Variants in CSMD3 observed in about 807,000 individuals in gnomAD.
The protein encoded by CSMD3 is CUB and sushi domain-containing protein 3.
In CSMD3, 177 loss-of-function variants were observed where a neutral mutation model predicts 435.2. The observed-to-expected ratio is 0.41, with a 90% CI of 0.36 to 0.46. CSMD3 has a LOEUF of 0.46. CSMD3 is among the 20% of genes least tolerant of loss of function. The pLI is 0.34. For missense variants in CSMD3, 4,265 were observed against 4,504.6 expected, an observed-to-expected ratio of 0.95 and a Z score of 1.52; for synonymous variants, 1,656 against 1,520.5, an observed-to-expected ratio of 1.09 and a Z score of -2.07.
At chr8:113,118,162 T>A (rs2090890736) in intron 4 of CSMD3, among the ~76,000 whole-genome samples, 1 of 152,214 alleles carries the variant, frequency 6.6e-6, no homozygotes, top group South Asian at 2.1e-4. Context: ...CAATATCCCA[T>A]TATGTAATAG....
chr8:112,945,402 C>T (rs779638479), intron 9 of CSMD3, among the ~76,000 whole-genome samples: 16 of 151,666 alleles, frequency 1.1e-4, no homozygotes, highest in Non-Finnish European at 1.9e-4. Flanking sequence ...AGGTCACTTA[C>T]AAATCTTTAC....
intron 2 of CSMD3, among the ~76,000 whole-genome samples, chr8:113,282,770 T>A (rs950296466): frequency 9.2e-5 from 14 of 152,014 alleles, no homozygotes; most frequent in African/African-American, 3.4e-4. Flanking sequence ...AGAGCCTGCA[T>A]AACCAAAGCA....
At chr8:113,159,167 C>A (rs760270947) in intron 4 of CSMD3, among the ~76,000 whole-genome samples, 5 of 151,674 alleles carry the variant, frequency 3.3e-5, no homozygotes, top group African/African-American at 4.8e-5. Flanking sequence ...ACTTCTCTAC[C>A]TTTTTGAAGT....
At chr8:113,049,691 T>A (rs1020156620) in intron 5 of CSMD3, among the ~76,000 whole-genome samples, 2 of 152,162 alleles carry the variant, frequency 1.3e-5, no homozygotes, top group Non-Finnish European at 2.9e-5. Context: ...TGGAAGCTTT[T>A]TAAATAAGCA....
chr8:112,587,433 A>G (rs1199983061), intron 22 of CSMD3, among the ~76,000 whole-genome samples, 198 bp from the exon 23 acceptor site: 3 of 151,760 alleles, frequency 2.0e-5, no homozygotes, highest in Non-Finnish European at 4.4e-5. Context: ...CAGCCCATGG[A>G]GAGGACACTG....
At chr8:113,051,782 A>T (rs1213122950) in intron 5 of CSMD3, among the ~76,000 whole-genome samples, 1 of 152,228 alleles carries the variant, frequency 6.6e-6, no homozygotes, top group African/African-American at 2.4e-5. Flanking sequence ...ACAGGCGCTC[A>T]GTAAATGTAT....
chr8:113,001,396 C>A (rs1032404153), intron 6 of CSMD3, among the ~76,000 whole-genome samples: 1 of 152,116 alleles, frequency 6.6e-6, no homozygotes, highest in Non-Finnish European at 1.5e-5. Context: ...AAGCTTTTTC[C>A]TCTGCAGGGC....
At chr8:112,390,616 T>C (rs1160002789) in intron 36 of CSMD3, 48 bp downstream of exon 36, 1 of 1,498,986 alleles carries the variant, frequency 6.7e-7, no homozygotes, top group Admixed American at 1.7e-5. Flanking sequence ...TCTGAAAAGA[T>C]TAACTACACA....
At chr8:112,342,196 C>T (rs1029458683) in intron 41 of CSMD3, among the ~76,000 whole-genome samples, 1 of 151,994 alleles carries the variant, frequency 6.6e-6, no homozygotes, top group African/African-American at 2.4e-5. Flanking sequence ...AAAGGGTGCT[C>T]TTTCAGTGTT....
intron 69 of CSMD3, 56 bp from the exon 70 acceptor site, chr8:112,228,947 T>C (rs1812829604): frequency 4.2e-6 from 4 of 951,784 alleles, no homozygotes; most frequent in Admixed American, 3.8e-5. Flanking sequence ...AATTAATTTC[T>C]ACTCCCATGA....
intron 11 of CSMD3, among the ~76,000 whole-genome samples, chr8:112,832,960 A>G (rs1324753436): frequency 6.6e-6 from 1 of 152,040 alleles, no homozygotes; most frequent in Non-Finnish European, 1.5e-5. Context: ...AACATATATC[A>G]CTATTCTGTA....
At position 112,546,475 on chromosome 8, in the gene CSMD3, T is replaced by G. The variant is rs141200636; in HGVS notation, c.4564+4196A>C. On this transcript the variant is annotated intron_variant, in intron 27 of 70. Coordinates refer to ENST00000297405, the MANE Select transcript of CSMD3 (RefSeq NM_198123.2). ...TTCAACCTCTCATGGCTAAGGGATATATTTCCTTGAGATTTTTCAACAGTA... is the reference window on the plus strand; with the variant it reads ...TTCAACCTCTCATGGCTAAGGGATAGATTTCCTTGAGATTTTTCAACAGTA... Among the ~76,000 whole-genome samples the G allele has an allele frequency of 4.4e-3, 677 of 152,236 alleles. 2 individuals carry two copies. The highest frequency in any genetic ancestry group is 0.016 in the African/African-American group (651 of 41,550).
At chr8:112,626,466 T>C (rs2131539606) in intron 22 of CSMD3, among the ~76,000 whole-genome samples, 1 of 152,250 alleles carries the variant, frequency 6.6e-6, no homozygotes, top group Admixed American at 6.5e-5. Flanking sequence ...TTTTCTATTA[T>C]TTTTAATATT....
chr8:112,527,042 A>G (rs1825044902), intron 27 of CSMD3, among the ~76,000 whole-genome samples: 1 of 151,966 alleles, frequency 6.6e-6, no homozygotes, highest in African/African-American at 2.4e-5. Flanking sequence ...AGAAAAAAGT[A>G]ACAATTAACA....
Position 112,842,976 on chromosome 8 carries a change from A to G in CSMD3, c.1756-13187T>C, listed in dbSNP as rs192760355. Among the ~76,000 whole-genome samples, 21 of 152,000 alleles carry G rather than the reference A, an allele frequency of 1.4e-4. No homozygotes were observed. The East Asian group carries it at 3.9e-3, about 28-fold the overall frequency. On this transcript the variant is annotated intron_variant, in intron 11 of 70. Transcript: ENST00000297405. ...GTAAAATTGCAATCCATAATTTTAT[A>G]CATGCAATTATGGAATTAACTAAAA...
At chr8:113,375,557 G>A (rs977236558) in intron 1 of CSMD3, among the ~76,000 whole-genome samples, 1 of 116,444 alleles carries the variant, frequency 8.6e-6, no homozygotes, top group Non-Finnish European at 2.2e-5. Flanking sequence ...GTGTCATGCC[G>A]AGGAAAATAA....
intron 22 of CSMD3, among the ~76,000 whole-genome samples, chr8:112,596,621 G>A (rs1831748068): frequency 6.6e-6 from 1 of 151,766 alleles, no homozygotes; most frequent in African/African-American, 2.4e-5. Flanking sequence ...TGGAAGTAAA[G>A]CTCTCCTCAG....
chr8:113,174,035 T>A, intron 3 of CSMD3, 119 bp from the exon 4 acceptor site: 1 of 750,744 alleles, frequency 1.3e-6, no homozygotes, highest in Non-Finnish European at 2.3e-6. Flanking sequence ...GAAGAGTCAC[T>A]GAAAGGAACT....
intron 16 of CSMD3, among the ~76,000 whole-genome samples, chr8:112,676,815 AT>A (rs1334534369): frequency 1.3e-5 from 2 of 152,112 alleles, no homozygotes; most frequent in East Asian, 3.9e-4. Context: ...ACTTAGAAAG[AT>A]AACTTTCTTG....
Sources: gnomAD v4.1 joint callset for allele counts (sites outside exome capture counted in the v4.1 genomes callset) on GRCh38, gnomAD v4.1.1 for gene constraint, MANE v1.5 for transcripts, NCBI Gene and HGNC (gene_info 2026-07-23, HGNC 2026-07-21) for gene names.